Variants in CSMD1 observed in about 807,000 individuals in gnomAD.
CSMD1 encodes the protein CUB and Sushi multiple domains 1, also known as CUB and sushi domain-containing protein 1.
A neutral mutation model predicts 417.5 loss-of-function variants in CSMD1; 213 were observed. That is an observed-to-expected ratio of 0.51 (90% CI 0.46 to 0.57). The LOEUF (loss-of-function observed/expected upper bound fraction) is 0.57. CSMD1 is among the 20% of genes least tolerant of loss of function. The pLI is 0.00. For synonymous variants in CSMD1, 2,862 were observed against 1,736.8 expected, an observed-to-expected ratio of 1.65 and a Z score of -16.11; for missense variants, 6,923 against 4,529.7, an observed-to-expected ratio of 1.53 and a Z score of -15.17.
intron 1 of CSMD1, among the ~76,000 whole-genome samples, chr8:4,731,305 G>C (rs931114552): frequency 1.2e-4 from 18 of 152,106 alleles, no homozygotes; most frequent in African/African-American, 3.6e-4. Flanking sequence ...ATCCGTCTTT[G>C]GAATCAGCAG....
chr8:4,493,646 G>C (rs921704567), intron 2 of CSMD1, among the ~76,000 whole-genome samples: 3 of 152,166 alleles, frequency 2.0e-5, no homozygotes, highest in Admixed American at 6.5e-5. Context: ...AGTGAGCTAT[G>C]AGCGTGCCAA....
At chr8:3,219,127 C>A in intron 29 of CSMD1, 128 bp downstream of exon 29, 1 of 697,200 alleles carries the variant, frequency 1.4e-6, no homozygotes, top group Non-Finnish European at 2.3e-6. Flanking sequence ...TGTATCTTCC[C>A]AGACAGAGGA....
chr8:4,570,396 G>A (rs572137309), intron 2 of CSMD1, among the ~76,000 whole-genome samples: 6 of 152,302 alleles, frequency 3.9e-5, no homozygotes, highest in African/African-American at 1.4e-4. Flanking sequence ...GGATAATCAT[G>A]TGGCTTTTGT....
At chr8:4,446,256 G>A (rs1055402649) in intron 2 of CSMD1, among the ~76,000 whole-genome samples, 4 of 152,218 alleles carry the variant, frequency 2.6e-5, no homozygotes, top group African/African-American at 7.2e-5. Context: ...ATCACTTGAA[G>A]AGTGGACCCA....
intron 7 of CSMD1, among the ~76,000 whole-genome samples, chr8:3,692,696 G>T (rs903779142): frequency 6.6e-6 from 1 of 152,156 alleles, no homozygotes; most frequent in Admixed American, 6.5e-5. Flanking sequence ...GCCTCCAGAA[G>T]TGCTGGGATT....
intron 3 of CSMD1, among the ~76,000 whole-genome samples, chr8:4,260,176 A>C (rs2656287): frequency 1 from 151,698 of 152,330 alleles, 75,536 homozygotes; most frequent in Non-Finnish European, 1. Flanking sequence ...GCATCCTTGC[A>C]AGTATTGATT....
At chr8:4,612,992 C>T (rs1241331418) in intron 2 of CSMD1, among the ~76,000 whole-genome samples, 1 of 152,114 alleles carries the variant, frequency 6.6e-6, no homozygotes, top group Non-Finnish European at 1.5e-5. Flanking sequence ...CAAAACTGAT[C>T]TCATAACATT....
chr8:3,779,832 G>A lies in CSMD1; in HGVS notation c.819-25790C>T, dbSNP rs190030675. ...AGCTGAGACATATTTAATAGGGACA[G>A]GAAAAATAGTTGTTTAAGGTGTTCT... On this transcript the variant is annotated intron_variant, in intron 5 of 69. Transcript: ENST00000635120. 4.7e-3 allele frequency among the ~76,000 whole-genome samples: 715 copies of A among 152,240 alleles called. 4 individuals carry two copies. Among genetic ancestry groups the A allele is most frequent in the Middle Eastern group, 0.017 (5 of 292 alleles).
At chr8:3,573,669 G>A (rs1323491446) in intron 10 of CSMD1, among the ~76,000 whole-genome samples, 1 of 152,076 alleles carries the variant, frequency 6.6e-6, no homozygotes, top group Non-Finnish European at 1.5e-5. Flanking sequence ...TTTAGAACTG[G>A]CAACCCAACA....
At chr8:3,905,874 G>A (rs1177565662) in intron 5 of CSMD1, among the ~76,000 whole-genome samples, 1 of 152,218 alleles carries the variant, frequency 6.6e-6, no homozygotes, top group Admixed American at 6.5e-5. Flanking sequence ...TTTAGCAGAA[G>A]GTTTCTGATC....
intron 23 of CSMD1, among the ~76,000 whole-genome samples, chr8:3,335,740 TAAGAG>T (rs1243688901): frequency 1.3e-5 from 2 of 152,194 alleles, no homozygotes; most frequent in Non-Finnish European, 2.9e-5. Context: ...GAATGTCACC[TAAGAG>T]TAGAGCAGAC....
chr8:4,285,939 A>C (rs1466320735), intron 3 of CSMD1, among the ~76,000 whole-genome samples: 2 of 152,166 alleles, frequency 1.3e-5, no homozygotes, highest in Non-Finnish European at 2.9e-5. Context: ...TTAAGTGGCT[A>C]TGATATATCC....
At chr8:4,495,828 C>A (rs1385366283) in intron 2 of CSMD1, among the ~76,000 whole-genome samples, 1 of 152,092 alleles carries the variant, frequency 6.6e-6, no homozygotes, top group African/African-American at 2.4e-5. Context: ...GCCTCTTTAT[C>A]AACAAATATT....
intron 3 of CSMD1, among the ~76,000 whole-genome samples, chr8:4,094,059 G>A (rs1170627344): frequency 6.6e-6 from 1 of 152,148 alleles, no homozygotes; most frequent in Non-Finnish European, 1.5e-5. Context: ...GAGAGCTGGT[G>A]TGAAGGACAG....
At chr8:3,873,278 C>G (rs1019643032) in intron 5 of CSMD1, among the ~76,000 whole-genome samples, 8 of 152,024 alleles carry the variant, frequency 5.3e-5, no homozygotes, top group African/African-American at 1.9e-4. Flanking sequence ...GCTCTATTCA[C>G]AATAGCAAAG....
chr8:3,243,235 G>A (rs1420785141), intron 26 of CSMD1, among the ~76,000 whole-genome samples: 1 of 152,096 alleles, frequency 6.6e-6, no homozygotes, highest in East Asian at 1.9e-4. Flanking sequence ...GGTGGTAGGT[G>A]GATCTTTTTC....
chr8:4,038,307 C>T (rs958028216), intron 3 of CSMD1, among the ~76,000 whole-genome samples: 12 of 151,838 alleles, frequency 7.9e-5, no homozygotes, highest in Non-Finnish European at 1.5e-4. Flanking sequence ...CACCAAAAAA[C>T]GCAAAACAGA....
intron 50 of CSMD1, among the ~76,000 whole-genome samples, chr8:3,040,315 G>A (rs1249220016): frequency 6.7e-6 from 1 of 150,104 alleles, no homozygotes; most frequent in Non-Finnish European, 1.5e-5. Flanking sequence ...AGAAGCTTTA[G>A]TTTCTCAAAT....
At chr8:4,397,776 T>A (rs76269233) in intron 3 of CSMD1, among the ~76,000 whole-genome samples, 1,916 of 152,252 alleles carry the variant, frequency 0.013, 23 homozygotes, top group Middle Eastern at 0.02. Context: ...AAAACCTTAA[T>A]ACTGACATGT....
Sources: gnomAD v4.1 joint callset for allele counts (sites outside exome capture counted in the v4.1 genomes callset) on GRCh38, gnomAD v4.1.1 for gene constraint, MANE v1.5 for transcripts, NCBI Gene and HGNC (gene_info 2026-07-23, HGNC 2026-07-21) for gene names.